The following LTBP1 variants were observed in gnomAD, a reference collection of about 807,000 sequenced individuals.
LTBP1 encodes the protein latent-transforming growth factor beta-binding protein 1.
LTBP1 carries 129 observed loss-of-function variants against 207.6 expected under a neutral mutation model. The ratio of observed to expected loss-of-function variants is 0.62; its 90% CI spans 0.54 to 0.72. LTBP1 has a LOEUF of 0.72. Ranked by LOEUF, LTBP1 falls within the 30% of genes least tolerant of loss-of-function variation. LTBP1 has a pLI of 0.00. For missense variants in LTBP1, 2,281 were observed against 2,217.2 expected (o/e 1.03, Z -0.58); for synonymous variants, 963 against 833.7 (o/e 1.16, Z -2.67).
chr2:33,154,759 A>G (rs1360386998), intron 5 of LTBP1, among the ~76,000 whole-genome samples: 1 of 152,216 alleles, frequency 6.6e-6, no homozygotes, highest in African/African-American at 2.4e-5. Flanking sequence ...TTGCCAAATT[A>G]TCTACCATAA....
At chr2:33,242,456 G>C (rs2092360878) in intron 9 of LTBP1, among the ~76,000 whole-genome samples, 1 of 152,018 alleles carries the variant, frequency 6.6e-6, no homozygotes, top group South Asian at 2.1e-4. Context: ...TGAATCTTCT[G>C]CTGCTACTGG....
rs560845796 is a variant in LTBP1 at position 33,020,338 on chromosome 2, T to A, written c.566-571T>A. Among the ~76,000 whole-genome samples the A allele has an allele frequency of 3.5e-3, 528 of 152,262 alleles. 6 individuals are homozygous for A. The highest frequency in any genetic ancestry group is 0.012 in the African/African-American group (504 of 41,566). ...TTTGGGGTTGGGGATTGGACTGAACTTTTGTTTTTTGCCAAGTCTTGGCAA... is the reference window on the plus strand; with the variant it reads ...TTTGGGGTTGGGGATTGGACTGAACATTTGTTTTTTGCCAAGTCTTGGCAA... On this transcript the variant is annotated intron_variant, in intron 2 of 33. Transcript: ENST00000404816.
chr2:33,119,990 T>G (rs1418622183), intron 4 of LTBP1, among the ~76,000 whole-genome samples: 3 of 152,216 alleles, frequency 2.0e-5, no homozygotes, highest in African/African-American at 7.2e-5. Flanking sequence ...CTGCCCTAAT[T>G]TCTTTTCATT....
In LTBP1 at chr2:32,956,557, C is replaced by T. The variant is rs543750823; in HGVS notation, c.565+7612C>T. On this transcript the variant is annotated intron_variant, in intron 2 of 33. Transcript: ENST00000404816. ...TCCACTTTTAATTCTCTTGCTATTT[C>T]CACTACCTCTGCAGTGACTTCCTCC... is the stretch of plus-strand genomic sequence containing the variant. 2.6e-5 allele frequency among the ~76,000 whole-genome samples: 4 copies of T among 152,282 alleles called. No individual in the cohort carries two copies. In the South Asian group the frequency reaches 8.3e-4, roughly 32 times the overall value.
chr2:33,326,423 C>T (rs1194657413), intron 24 of LTBP1, among the ~76,000 whole-genome samples: 1 of 152,066 alleles, frequency 6.6e-6, no homozygotes, highest in Non-Finnish European at 1.5e-5. Context: ...CCACTTTCCC[C>T]ATTTTCCTGG....
At chr2:33,154,784 C>T (rs944163753) in intron 5 of LTBP1, among the ~76,000 whole-genome samples, 3 of 152,074 alleles carry the variant, frequency 2.0e-5, no homozygotes, top group East Asian at 1.9e-4. Flanking sequence ...TGAACTAGGC[C>T]GGGCGCGGTG....
intron 5 of LTBP1, among the ~76,000 whole-genome samples, chr2:33,185,100 C>T (rs2087056026): frequency 6.6e-6 from 1 of 152,156 alleles, no homozygotes; most frequent in Admixed American, 6.6e-5. Flanking sequence ...AGGCAGAGGA[C>T]TCAGTGTGGA....
chr2:33,290,450 A>G (rs17582516), intron 19 of LTBP1, among the ~76,000 whole-genome samples: 55,069 of 152,096 alleles, frequency 0.36, 10,839 homozygotes, highest in Admixed American at 0.43. Context: ...ACTGAAGAAC[A>G]CTGAAAGTCA....
chr2:33,043,645 C>A (rs55830942), intron 3 of LTBP1, among the ~76,000 whole-genome samples: 17,003 of 151,964 alleles, frequency 0.11, 1,068 homozygotes, highest in African/African-American at 0.13. Context: ...AATCTGTAAG[C>A]AATTGCTCAG....
At chr2:33,265,004 T>C (rs2093134767) in intron 15 of LTBP1, among the ~76,000 whole-genome samples, 1 of 152,154 alleles carries the variant, frequency 6.6e-6, no homozygotes. Context: ...CATACCAGCG[T>C]CTGAGGGCAG....
intron 2 of LTBP1, among the ~76,000 whole-genome samples, chr2:32,968,915 G>GTTT (rs758748013): frequency 2.7e-4 from 23 of 86,218 alleles, no homozygotes; most frequent in Non-Finnish European, 3.1e-4. Context: ...GTGTGTGTGT[G>GTTT]TATTTTTTTT....
chr2:33,176,363 C>T (rs1348414862), intron 5 of LTBP1, among the ~76,000 whole-genome samples: 1 of 151,950 alleles, frequency 6.6e-6, no homozygotes, highest in East Asian at 1.9e-4. Flanking sequence ...GTAGCTGGGA[C>T]TACAGGCGCC....
chr2:33,200,164 C>T (rs1006343811), intron 7 of LTBP1, among the ~76,000 whole-genome samples: 4 of 152,062 alleles, frequency 2.6e-5, no homozygotes, highest in Admixed American at 2.6e-4. Context: ...GCCCACATTG[C>T]CAAGTCAATC....
chr2:33,386,826 C>CTTTTT (rs1009498572), intron 31 of LTBP1, among the ~76,000 whole-genome samples: 6 of 119,344 alleles, frequency 5.0e-5, no homozygotes, highest in Admixed American at 1.7e-4. Flanking sequence ...GAGCAAGACC[C>CTTTTT]TTTTTTTTTT....
At chr2:33,161,146 G>A (rs1298738866) in intron 5 of LTBP1, among the ~76,000 whole-genome samples, 1 of 152,016 alleles carries the variant, frequency 6.6e-6, no homozygotes, top group East Asian at 1.9e-4. Flanking sequence ...GTCATTCACA[G>A]GATGGCTATA....
chr2:33,368,923 A>T (rs2150160857), intron 31 of LTBP1, among the ~76,000 whole-genome samples: 1 of 152,308 alleles, frequency 6.6e-6, no homozygotes, highest in South Asian at 2.1e-4. Context: ...AAAAATTTAC[A>T]CTCAATTTAA....
chr2:33,295,782 G>A lies in LTBP1; in HGVS notation c.3235+2500G>A, dbSNP rs146266318. ...TCTTCTTAAGTGTCTTGATGTAAGT[G>A]AAGGATGTAGGGTGATAATTAATTT... On this transcript the variant is annotated intron_variant, in intron 20 of 33. Coordinates refer to ENST00000404816, the MANE Select transcript of LTBP1 (RefSeq NM_206943.4). 3.1e-3 allele frequency among the ~76,000 whole-genome samples: 469 copies of A among 152,264 alleles called. 2 individuals carry two copies. Among genetic ancestry groups the A allele is most frequent in the African/African-American group, 0.011 (449 of 41,544 alleles).
In LTBP1 at chr2:33,315,328, TC is replaced by T. The variant is rs1345203506; in HGVS notation, c.3730+60del. On this transcript the variant is annotated intron_variant, in intron 24 of 33. Coordinates refer to ENST00000404816, the MANE Select transcript of LTBP1 (RefSeq NM_206943.4). ...TGATAAAAGAGAGAGGAGATTGCTT[TC>T]ACTTATACAAAGACTTGAAGACACT... 9 of 1,598,342 alleles carry T rather than the reference TC, an allele frequency of 5.6e-6. No individual in the cohort carries two copies. In the African/African-American group the frequency reaches 1.2e-4, roughly 22 times the overall value.
At chr2:33,084,596 T>C (rs2078641107) in intron 3 of LTBP1, among the ~76,000 whole-genome samples, 1 of 152,152 alleles carries the variant, frequency 6.6e-6, no homozygotes. Context: ...GTTACATCCC[T>C]TACAGTCCGT....
Sources: allele counts gnomAD v4.1 joint callset (sites outside exome capture counted in the v4.1 genomes callset), GRCh38; gene constraint gnomAD v4.1.1; transcripts MANE v1.5; gene names NCBI Gene and HGNC (gene_info 2026-07-23, HGNC 2026-07-21).